FZR1: variants seen among roughly 807,000 people sequenced by gnomAD.
FZR1 encodes the protein fizzy-related protein homolog.
FZR1 carries 11 observed loss-of-function variants against 63.6 expected under a neutral mutation model. The ratio of observed to expected loss-of-function variants is 0.17; its 90% CI spans 0.11 to 0.29. The LOEUF is 0.29. Ranked by LOEUF, FZR1 falls within the 10% of genes least tolerant of loss-of-function variation. The pLI is 1.00. For synonymous variants in FZR1, 328 were observed against 297.9 expected (o/e 1.10, Z -1.04); for missense variants, 440 against 687.5 (o/e 0.64, Z 4.03).
At position 3,512,530 on chromosome 19, in the gene FZR1, G is replaced by C. The variant is rs2083031168; in HGVS notation, c.-35+6056G>C. ...GCCCACACTCTTTCTGATGGACCCT[G>C]CTAGAACCTTTTCATGGGACTTGGT... On this transcript the variant is annotated intron_variant, in intron 1 of 13. Coordinates refer to ENST00000441788, the MANE Select transcript of FZR1 (RefSeq NM_016263.4). Among the ~76,000 whole-genome samples, 3 of 152,224 alleles carry C rather than the reference G, an allele frequency of 2.0e-5. 1 individual carries two copies. In the South Asian group the frequency reaches 6.2e-4, roughly 32 times the overall value.
At chr19:3,532,138 G>A (rs913170133) in intron 10 of FZR1, 43 bp downstream of exon 10, 38 of 1,449,482 alleles carry the variant, frequency 2.6e-5, no homozygotes, top group African/African-American at 5.7e-5. Flanking sequence ...ACCAGAAGCC[G>A]CACCCCTCAC....
At chr19:3,506,907 G>A (rs2082987777) in intron 1 of FZR1, among the ~76,000 whole-genome samples, 1 of 152,108 alleles carries the variant, frequency 6.6e-6, no homozygotes, top group African/African-American at 2.4e-5. Flanking sequence ...GGACTTCCCA[G>A]TTCAGACCCT....
At chr19:3,519,860 G>A (rs2083085479) in intron 1 of FZR1, among the ~76,000 whole-genome samples, 1 of 144,410 alleles carries the variant, frequency 6.9e-6, no homozygotes, top group Admixed American at 6.9e-5. Context: ...CCCTTCATCT[G>A]TGAATCGGTC....
In FZR1 at chr19:3,514,419, A is replaced by G. The variant is rs1438382621; in HGVS notation, c.-35+7945A>G. Among the ~76,000 whole-genome samples the G allele has an allele frequency of 1.3e-5, 2 of 152,078 alleles. No individual in the cohort carries two copies. The highest frequency in any genetic ancestry group is 4.8e-5 in the African/African-American group (2 of 41,396). ...CTGGGGTGCGGCCGTCCTGGGCACT[A>G]CAGGGTGCTGAGCAGCGTCCCTGGC... On this transcript the variant is annotated intron_variant, in intron 1 of 13. Transcript: ENST00000441788. This position sits in a 1 kb window ranked among gnomAD's most constrained non-coding sequence, Gnocchi z 4.2.
At chr19:3,518,163 T>C (rs1028007241) in intron 1 of FZR1, among the ~76,000 whole-genome samples, 5 of 152,064 alleles carry the variant, frequency 3.3e-5, no homozygotes, top group African/African-American at 1.2e-4. Context: ...TACAAGCATA[T>C]GCCACCATGC....
chr19:3,522,291 G>A (rs1318686132), intron 1 of FZR1, among the ~76,000 whole-genome samples: 1 of 152,182 alleles, frequency 6.6e-6, no homozygotes, highest in East Asian at 1.9e-4. Flanking sequence ...GTTCTTTGCG[G>A]TCTCCTCACC....
At chr19:3,507,228 C>G (rs1354921042) in intron 1 of FZR1, among the ~76,000 whole-genome samples, 1 of 148,788 alleles carries the variant, frequency 6.7e-6, no homozygotes, top group Non-Finnish European at 1.5e-5. Flanking sequence ...GCTATCCGTG[C>G]ACAAGCCCCT....
chr19:3,534,743 TTCC>T lies in FZR1; in HGVS notation c.1441-48_1441-46del, dbSNP rs2083280105. ...AAGCCTTGGGGACCCTCCAGGCAGC[TTCC>T]TCCCTGGGCCTGCGGCTCAGCGCAT... On this transcript the variant is annotated intron_variant, in intron 13 of 13. Coordinates refer to ENST00000441788, the MANE Select transcript of FZR1 (RefSeq NM_016263.4). 1.4e-5 allele frequency: 22 copies of T among 1,557,188 alleles called. No individual in the cohort carries two copies. In the East Asian group the frequency reaches 4.9e-4, roughly 35 times the overall value.
rs1372259547 is a variant in FZR1, at chr19:3,525,278, C to T, written c.70-590C>T. On this transcript the variant is annotated intron_variant, in intron 2 of 13. Coordinates refer to ENST00000441788, the MANE Select transcript of FZR1 (RefSeq NM_016263.4). The surrounding 1 kb of genome is among the most constrained non-coding windows in gnomAD (Gnocchi z 4.2). ...TGGCCCCCATTCCTGCCACTCCACC[C>T]CGTCCCGTGGCCCTGCCCTCACCAC... Among the ~76,000 whole-genome samples, 1 of 152,102 alleles carries T rather than the reference C, an allele frequency of 6.6e-6. No individual in the cohort carries two copies. Among genetic ancestry groups the T allele is most frequent in the Non-Finnish European group, 1.5e-5 (1 of 68,018 alleles).
intron 7 of FZR1, among the ~76,000 whole-genome samples, chr19:3,529,178 T>A (rs866129779): frequency 0.039 from 842 of 21,800 alleles, 13 homozygotes; most frequent in African/African-American, 0.087. Flanking sequence ...GGGAGAGCGG[T>A]TGGGAGAGCG....
In FZR1 at chr19:3,527,703, G is replaced by A. The variant is rs750602239; in HGVS notation, c.543G>A (p.Ala181=). 1.6e-5 allele frequency: 25 copies of A among 1,612,306 alleles called. No individual in the cohort carries two copies. The highest frequency in any genetic ancestry group is 2.2e-5 in the East Asian group (1 of 44,886). ...ISKIPFKVLD[A]PELQDDFYLN... ...AGATCCCCTTCAAGGTGCTGGACGC[G>A]CCCGAGCTGCAGGACGACTTCTACC... is the stretch of plus-strand genomic sequence containing the variant. Residue 181 remains alanine (A), a synonymous_variant, in exon 7 of 14, where the codon GCG becomes GCA. Transcript: ENST00000441788.
intron 8 of FZR1, among the ~76,000 whole-genome samples, 197 bp downstream of exon 8, chr19:3,531,054 G>C (rs2083241882): frequency 6.6e-6 from 1 of 152,218 alleles, no homozygotes; most frequent in East Asian, 1.9e-4. Flanking sequence ...GCACCCACCA[G>C]GCCCCTAGAA....
Position 3,531,491 on chromosome 19 carries a change from G to A in FZR1, c.721-223G>A, listed in dbSNP as rs141418257. Among the ~76,000 whole-genome samples, 1,058 of 152,368 alleles carry A rather than the reference G, an allele frequency of 6.9e-3. 5 individuals carry two copies. The highest frequency in any genetic ancestry group is 0.01 in the Non-Finnish European group (702 of 68,034). On this transcript the variant is annotated intron_variant, in intron 8 of 13. Transcript: ENST00000441788. ...AGGTCCACGTACCGAGTCTTGGCTG[G>A]ACTCTGAGAAACCCAGGCGCAGTGT...
At position 3,514,296 on chromosome 19, in the gene FZR1, ACT is replaced by A. The variant is rs1214897074; in HGVS notation, c.-35+7825_-35+7826del. Among the ~76,000 whole-genome samples, 3 of 151,952 alleles carry A rather than the reference ACT, an allele frequency of 2.0e-5. No individual in the cohort carries two copies. The highest frequency in any genetic ancestry group is 1.9e-4 in the East Asian group (1 of 5,186). On this transcript the variant is annotated intron_variant, in intron 1 of 13. Coordinates refer to ENST00000441788, the MANE Select transcript of FZR1 (RefSeq NM_016263.4). The surrounding 1 kb of genome is among the most constrained non-coding windows in gnomAD (Gnocchi z 4.2). ...GATGGGGCTGGGGATGCCTGGCCAC[ACT>A]CTGCAGGTCTCGCTCATTCAAGTCA...
In FZR1 at chr19:3,525,485, C is replaced by T. The variant is rs975528565; in HGVS notation, c.70-383C>T. Among the ~76,000 whole-genome samples, 7 of 146,214 alleles carry T rather than the reference C, an allele frequency of 4.8e-5. No homozygotes were observed. Among genetic ancestry groups the T allele is most frequent in the African/African-American group, 1.8e-4 (7 of 38,284 alleles). On this transcript the variant is annotated intron_variant, in intron 2 of 13. Transcript: ENST00000441788. This position sits in a 1 kb window ranked among gnomAD's most constrained non-coding sequence, Gnocchi z 4.2. ...TGAGACGGAGTCTCGCTCTGTCGCC[C>T]AGGCTGGAGTGCAGTGGCACAATCT... is the stretch of plus-strand genomic sequence containing the variant.
rs762884982 is a variant in FZR1, at chr19:3,526,034, G to A, written c.195+41G>A. 5 of 1,611,438 alleles carry A rather than the reference G, an allele frequency of 3.1e-6. No homozygotes were observed. Among genetic ancestry groups the A allele is most frequent in the African/African-American group, 1.3e-5 (1 of 74,908 alleles). On this transcript the variant is annotated intron_variant, in intron 3 of 13. Coordinates refer to ENST00000441788, the MANE Select transcript of FZR1 (RefSeq NM_016263.4). This position sits in a 1 kb window ranked among gnomAD's most constrained non-coding sequence, Gnocchi z 5.4. ...GGCAGGAGATGGGACCCCCCGGGAAGCCCAGGGCCCCTCCCAGCCTCCTTG... is the reference window on the plus strand; with the variant it reads ...GGCAGGAGATGGGACCCCCCGGGAAACCCAGGGCCCCTCCCAGCCTCCTTG...
chr19:3,524,568 C>T (rs2083133846), intron 2 of FZR1, among the ~76,000 whole-genome samples: 1 of 152,196 alleles, frequency 6.6e-6, no homozygotes, highest in Non-Finnish European at 1.5e-5. Flanking sequence ...CGGAATATGA[C>T]CCTACGCAAG....
At chr19:3,508,200 CTTTTTTTTTTTTTT>C (rs71166908) in intron 1 of FZR1, among the ~76,000 whole-genome samples, 1 of 91,116 alleles carries the variant, frequency 1.1e-5, no homozygotes, top group Non-Finnish European at 2.0e-5. Context: ...CATTGATTTT[CTTTTTTTTTTTTTT>C]TTTTTTTGAG....
intron 10 of FZR1, 96 bp from the exon 11 acceptor site, chr19:3,532,321 G>C (rs1439294705): frequency 7.2e-6 from 7 of 969,498 alleles, no homozygotes; most frequent in Non-Finnish European, 9.1e-6. Context: ...GAGGAGTGTG[G>C]GGTGGGGTGC....
Sources: gnomAD v4.1 joint callset for allele counts (sites outside exome capture counted in the v4.1 genomes callset) on GRCh38, gnomAD v4.1.1 for gene constraint, Gnocchi (gnomAD v3.1) non-coding constraint, MANE v1.5 for transcripts, NCBI Gene and HGNC (gene_info 2026-07-23, HGNC 2026-07-21) for gene names.